The following TTN variants were observed in gnomAD, a reference collection of about 807,000 sequenced individuals.
TTN encodes the protein connectin.
Under a neutral mutation model 3,223.0 loss-of-function variants are expected in TTN, and 1,525 were observed. That is an observed-to-expected ratio of 0.47 (90% CI 0.45 to 0.49). The LOEUF (loss-of-function observed/expected upper bound fraction) is 0.49, where lower values mean the gene tolerates loss of function less well. TTN is among the 20% of genes least tolerant of loss of function. The pLI, the probability that TTN is intolerant of heterozygous loss-of-function variation, is 0.00. For synonymous variants in TTN, 14,094 were observed against 15,161.0 expected (o/e 0.93, Z 5.17); for missense variants, 40,786 against 43,424.0 (o/e 0.94, Z 5.40).
chr2:178,734,171 G>GAA lies in TTN; in HGVS notation c.15496+155_15496+156dup, dbSNP rs57191865. Among the ~76,000 whole-genome samples the GAA allele has an allele frequency of 0.05, 7,618 of 152,192 alleles. 378 individuals carry two copies. The highest frequency in any genetic ancestry group is 0.19 in the East Asian group (978 of 5,158). ...ACTAGTCTCGGGAAAAAGACCAGGT[G>GAA]AAAGTTACTGACTTTGTTCCCAAGG... is the stretch of plus-strand genomic sequence containing the variant. On this transcript the variant is annotated intron_variant, in intron 52 of 362. Transcript: ENST00000589042.
chr2:178,707,685 T>C lies in TTN; in HGVS notation c.28882A>G (p.Arg9628Gly). 6.2e-7 allele frequency: 1 copy of C among 1,613,972 alleles called. No individual in the cohort carries two copies. Residue 9628 changes from arginine (R) to glycine (G), a missense_variant, in exon 100 of 363, where the codon AGG becomes GGG. Arg to Gly is a moderately radical substitution (Grantham distance 125). Coordinates refer to ENST00000589042, the MANE Select transcript of TTN (RefSeq NM_001267550.2). ...PIRIQWLKAGREIKPSDRCSF... is the reference protein window; with the variant it reads ...PIRIQWLKAGGEIKPSDRCSF... ...CATCTGTCTGAAGGCTTTATTTCCC[T>C]GCCAGCCTTCAACCACTGGATCCTA...
rs764270902 is a variant in TTN, at chr2:178,784,206, T to C, written c.2639A>G (p.Gln880Arg). The change falls in exon 16 of 363, where the codon CAG becomes CGG. Residue 880 changes from glutamine to arginine, a missense_variant. Gln to Arg is a conservative substitution (Grantham distance 43). Transcript: ENST00000589042. ...ATCTGGTGTGTCAGCGAAGGGGAAC[T>C]GTGGCAAGGGTGTGGGCTCTGCCCT... ...RVRAEPTPLP[Q>R]FPFADTPDTY... 4 of 1,614,102 alleles carry C rather than the reference T, an allele frequency of 2.5e-6. No individual in the cohort carries two copies. The African/African-American group carries it at 5.3e-5, about 22-fold the overall frequency.
intron 47 of TTN, among the ~76,000 whole-genome samples, chr2:178,752,804 TC>T (rs1231814921): frequency 1.3e-5 from 2 of 152,062 alleles, no homozygotes; most frequent in Non-Finnish European, 2.9e-5. Context: ...AAAACAAACT[TC>T]TACTTCATGA....
intron 49 of TTN, among the ~76,000 whole-genome samples, chr2:178,736,724 A>C (rs1231527641): frequency 6.6e-6 from 1 of 152,128 alleles, no homozygotes; most frequent in African/African-American, 2.4e-5. Context: ...TATTAGTCGC[A>C]TTCCTAAATT....
rs528264100 is a variant in TTN at position 178,720,199 on chromosome 2, G to A, written c.23443C>T (p.Arg7815Trp). Residue 7815 changes from arginine (R) to tryptophan (W), a missense_variant, in exon 81 of 363, where the codon CGG becomes TGG. Arg to Trp is a moderately radical substitution (Grantham distance 101). Coordinates refer to ENST00000589042, the MANE Select transcript of TTN (RefSeq NM_001267550.2). ...GGCTGGAAGCCCTCCACTATGGCCCGTAACTCAACAGCATCCCCAATAAGG... is the reference window on the plus strand; with the variant it reads ...GGCTGGAAGCCCTCCACTATGGCCCATAACTCAACAGCATCCCCAATAAGG... ...STLIGDAVELRAIVEGFQPIS... is the reference protein window; with the variant it reads ...STLIGDAVELWAIVEGFQPIS... 2.3e-5 allele frequency: 37 copies of A among 1,613,702 alleles called. No homozygotes were observed. The highest frequency in any genetic ancestry group is 3.3e-4 in the Middle Eastern group (2 of 6,058).
At chr2:178,788,444 C>T (rs2093320948) in intron 13 of TTN, among the ~76,000 whole-genome samples, 1 of 151,936 alleles carries the variant, frequency 6.6e-6, no homozygotes, top group Non-Finnish European at 1.5e-5. Context: ...TATGAGACTT[C>T]TGAAAGGCTG....
At position 178,632,994 on chromosome 2, in the gene TTN, G is replaced by A. The variant is rs1230169350; in HGVS notation, c.43137C>T (p.Asn14379=). Residue 14379 remains asparagine (N), a synonymous_variant, in exon 234 of 363, where the codon AAC becomes AAT. Coordinates refer to ENST00000589042, the MANE Select transcript of TTN (RefSeq NM_001267550.2). The part of the protein sequence containing the change: ...DGKKHILILH[N]CQLGMTGEVS... Reference sequence around the variant, plus strand: ...CCTCTCCTGTCATACCCAGCTGACAGTTATGAAGGATCAGAATATGCTTCT... The same window carrying A: ...CCTCTCCTGTCATACCCAGCTGACAATTATGAAGGATCAGAATATGCTTCT... 3.1e-6 allele frequency: 5 copies of A among 1,613,228 alleles called. No homozygotes were observed. In the South Asian group the frequency reaches 5.5e-5, roughly 18 times the overall value.
intron 47 of TTN, chr2:178,751,181 T>C (rs1437081776): frequency 6.2e-7 from 1 of 1,611,026 alleles, no homozygotes; most frequent in Admixed American, 1.7e-5. Flanking sequence ...GAACAGAATA[T>C]CTTTATCACT....
chr2:178,676,970 A>G (rs899487119), intron 147 of TTN, among the ~76,000 whole-genome samples: 2 of 151,816 alleles, frequency 1.3e-5, no homozygotes, highest in African/African-American at 4.8e-5. Context: ...ATATGAAATC[A>G]GAACTTTTGT....
Position 178,554,766 on chromosome 2 carries a change from G to T in TTN, c.88595-14C>A. ...GGCCTGGTTTGTCTATCAGTGAAAG[G>T]ACAAAACACGATGTTAGTACTTCTT... is the stretch of plus-strand genomic sequence containing the variant. On this transcript the variant is annotated splice_polypyrimidine_tract_variant and intron_variant, in intron 331 of 362. Coordinates refer to ENST00000589042, the MANE Select transcript of TTN (RefSeq NM_001267550.2). 1 of 1,612,602 alleles carries T rather than the reference G, an allele frequency of 6.2e-7. No individual in the cohort carries two copies. The highest frequency in any genetic ancestry group is 8.5e-7 in the Non-Finnish European group (1 of 1,179,560).
intron 6 of TTN, chr2:178,798,764 T>C (rs965129951): frequency 2.0e-5 from 3 of 152,252 alleles, no homozygotes; most frequent in Non-Finnish European, 4.4e-5. Context: ...ATAATGTATG[T>C]ATAGTTCCAA....
chr2:178,737,689 T>G (rs2081756557), intron 49 of TTN, among the ~76,000 whole-genome samples: 1 of 152,218 alleles, frequency 6.6e-6, no homozygotes, highest in Admixed American at 6.5e-5. Context: ...GATTTAATTT[T>G]AGACTTAGAC....
At chr2:178,626,541 G>T (rs945650114) in intron 240 of TTN, among the ~76,000 whole-genome samples, 2 of 151,960 alleles carry the variant, frequency 1.3e-5, no homozygotes, top group Non-Finnish European at 2.9e-5. Context: ...TTATGCTAGT[G>T]TAAAGAAAAG....
In TTN at chr2:178,562,328, C is replaced by T; in HGVS notation, c.83804G>A (p.Arg27935Lys). Residue 27935 changes from arginine to lysine, a missense_variant, in exon 326 of 363, where the codon AGG becomes AAG. Arg to Lys is a conservative substitution (Grantham distance 26). Transcript: ENST00000589042. ...GLTAGEEYVF[R>K]VAAVNEKGRS... ...TCCCTTTTCGTTAACTGCAGCTACCCTGAAGACATACTCTTCTCCTGCAGT... is the reference window on the plus strand; with the variant it reads ...TCCCTTTTCGTTAACTGCAGCTACCTTGAAGACATACTCTTCTCCTGCAGT... 6.2e-7 allele frequency: 1 copy of T among 1,612,466 alleles called. No individual in the cohort carries two copies. The highest frequency in any genetic ancestry group is 8.5e-7 in the Non-Finnish European group (1 of 1,179,358).
At position 178,717,632 on chromosome 2, in the gene TTN, T is replaced by C. The variant is rs2154299100; in HGVS notation, c.25242A>G (p.Val8414=). ...ANLQTSFVHN[V]ATLQILQTDQ... The stretch of plus-strand genomic sequence containing the variant: ...CAGTTTGTAAAATCTGAAGAGTTGC[T>C]ACATTATGAACAAAAGATGTCTGCA... The change falls in exon 87 of 363, where the codon GTA becomes GTG. Residue 8414 remains valine (V), a synonymous_variant. Coordinates refer to ENST00000589042, the MANE Select transcript of TTN (RefSeq NM_001267550.2). 1 of 1,613,372 alleles carries C rather than the reference T, an allele frequency of 6.2e-7. No individual in the cohort carries two copies. The highest frequency in any genetic ancestry group is 1.3e-5 in the African/African-American group (1 of 75,022).
At chr2:178,783,158 T>C in intron 17 of TTN, 94 bp from the exon 18 acceptor site, 1 of 1,424,420 alleles carries the variant, frequency 7.0e-7, no homozygotes, top group Non-Finnish European at 9.8e-7. Context: ...CTTATGCATT[T>C]CAACTGCCAC....
At position 178,722,873 on chromosome 2, in the gene TTN, TA is replaced by T; in HGVS notation, c.22025del (p.Leu7342TyrfsTer44). On this transcript the variant is annotated frameshift_variant, in exon 76 of 363. Coordinates refer to ENST00000589042, the MANE Select transcript of TTN (RefSeq NM_001267550.2). LOFTEE classifies it high-confidence loss of function. ...LEAAVGDSVSLQCQVAGTPEI... is the reference protein window; with the variant it reads ...LEAAVGDSVSXQCQVAGTPEI... ...CTGGTGTCCCAGCAACTTGGCATTG[TA>T]AAGAAACCGAATCTCCAACTGCTGC... The T allele has an allele frequency of 6.2e-7, 1 of 1,613,036 alleles. No individual in the cohort carries two copies. Among genetic ancestry groups the T allele is most frequent in the East Asian group, 2.2e-5 (1 of 44,776 alleles).
At chr2:178,671,061 T>TATAA (rs1577203384) in intron 156 of TTN, 29 bp downstream of exon 156, 41 of 1,559,390 alleles carry the variant, frequency 2.6e-5, no homozygotes, top group Non-Finnish European at 3.6e-5. Context: ...TATGTAAAGT[T>TATAA]AAGTAGTAAT....
chr2:178,685,304 C>T lies in TTN; in HGVS notation c.32419G>A (p.Val10807Ile), dbSNP rs1553846469. 6.4e-7 allele frequency: 1 copy of T among 1,551,992 alleles called. No homozygotes were observed. The highest frequency in any genetic ancestry group is 8.7e-7 in the Non-Finnish European group (1 of 1,147,368). ...TTAGCAGGAATTTTTGGTTTCAGTA[C>T]AATTTTCTTCTCCTGCCTCTCTGTC... ...EVTERQEKKI[V>I]LKPKIPAKIE... The change falls in exon 129 of 363, where the codon GTA (valine) becomes ATA (isoleucine). Residue 10807 changes from valine (V) to isoleucine (I), a missense_variant. Physicochemically the swap from Val to Ile is conservative, Grantham distance 29. Coordinates refer to ENST00000589042, the MANE Select transcript of TTN (RefSeq NM_001267550.2).
Sources: gnomAD v4.1 joint callset for allele counts (sites outside exome capture counted in the v4.1 genomes callset) on GRCh38, gnomAD v4.1.1 for gene constraint, MANE v1.5 for transcripts, NCBI Gene and HGNC (gene_info 2026-07-23, HGNC 2026-07-21) for gene names.